The following IPCEF1 variants were observed in gnomAD, a reference collection of about 807,000 sequenced individuals.
IPCEF1 encodes interaction protein for cytohesin exchange factors 1, also known as interactor protein for cytohesin exchange factors 1.
IPCEF1 carries 31 observed loss-of-function variants against 50.9 expected under a neutral mutation model. The observed-to-expected ratio is 0.61, with a 90% CI of 0.46 to 0.82. The LOEUF is 0.82. IPCEF1 is among the 40% of genes least tolerant of loss of function. The probability of loss-of-function intolerance (pLI) is 0.00; values close to 1 mark genes in which losing one functional copy is unlikely to be tolerated. For missense variants in IPCEF1, 458 were observed against 514.0 expected, an observed-to-expected ratio of 0.89 and a Z score of 1.05; for synonymous variants, 181 against 192.0, an observed-to-expected ratio of 0.94 and a Z score of 0.47.
At chr6:154,208,475 G>A (rs1777689107) in intron 9 of IPCEF1, among the ~76,000 whole-genome samples, 1 of 152,168 alleles carries the variant, frequency 6.6e-6, no homozygotes, top group South Asian at 2.1e-4. Flanking sequence ...CACTTCTGAT[G>A]TAGCATATAT....
At chr6:154,183,201 G>A (rs763551596) in intron 10 of IPCEF1, among the ~76,000 whole-genome samples, 28 of 151,972 alleles carry the variant, frequency 1.8e-4, no homozygotes, top group South Asian at 4.2e-4. Context: ...GGATGGTCTC[G>A]ATCTCCTGAC....
Position 154,312,494 on chromosome 6 carries a change from G to C in IPCEF1, c.-61-22738C>G, listed in dbSNP as rs547156143. Among the ~76,000 whole-genome samples the C allele has an allele frequency of 1.5e-4, 23 of 151,988 alleles. No homozygotes were observed. The South Asian group carries it at 4.4e-3, about 29-fold the overall frequency. On this transcript the variant is annotated intron_variant, in intron 1 of 11. Coordinates refer to ENST00000367220, the MANE Select transcript of IPCEF1 (RefSeq NM_001130700.2). ...CCTGAGTAACTGGGACTACAGGCACGCACCACCACACCCGGCTAATTTTTT... is the reference window on the plus strand; with the variant it reads ...CCTGAGTAACTGGGACTACAGGCACCCACCACCACACCCGGCTAATTTTTT...
In IPCEF1 at chr6:154,159,669, A is replaced by T; in HGVS notation, c.*159T>A. The stretch of plus-strand genomic sequence containing the variant: ...CGACTGAAATGAGGAGCCCTGGTGT[A>T]TTCGGTGATTATCTTCATCTAACGT... On this transcript the variant is annotated 3_prime_UTR_variant, in exon 12 of 12. Transcript: ENST00000367220. The T allele has an allele frequency of 1.6e-6, 1 of 641,688 alleles. No individual in the cohort carries two copies. Among genetic ancestry groups the T allele is most frequent in the Non-Finnish European group, 2.7e-6 (1 of 366,256 alleles). 39.7% of individuals were successfully genotyped at this position (641,688 alleles called of 1,614,324 possible).
intron 2 of IPCEF1, among the ~76,000 whole-genome samples, chr6:154,274,207 C>T (rs976850715): frequency 6.6e-6 from 1 of 151,498 alleles, no homozygotes; most frequent in African/African-American, 2.4e-5. Context: ...TTCCTGCCTT[C>T]TCTCCACTTT....
At chr6:154,256,478 T>C (rs1433183571) in intron 3 of IPCEF1, among the ~76,000 whole-genome samples, 2 of 152,156 alleles carry the variant, frequency 1.3e-5, no homozygotes, top group Non-Finnish European at 2.9e-5. Flanking sequence ...TTATGTCTTC[T>C]CTTTCTCTGC....
chr6:154,190,388 T>C (rs1801763442), intron 10 of IPCEF1, among the ~76,000 whole-genome samples: 1 of 152,088 alleles, frequency 6.6e-6, no homozygotes, highest in Non-Finnish European at 1.5e-5. Context: ...GGCATATAAA[T>C]AGCAAAAAAG....
intron 10 of IPCEF1, among the ~76,000 whole-genome samples, chr6:154,188,737 ACT>A (rs1324494319): frequency 1.3e-5 from 2 of 152,240 alleles, no homozygotes; most frequent in African/African-American, 4.8e-5. Flanking sequence ...GAAAGATGAC[ACT>A]GAAGACTCAT....
intron 2 of IPCEF1, among the ~76,000 whole-genome samples, chr6:154,289,325 C>T (rs1463949550): frequency 1.3e-5 from 2 of 151,548 alleles, no homozygotes; most frequent in Non-Finnish European, 2.9e-5. Context: ...TCAGTAAGTA[C>T]TCCATTTCTA....
rs373086355 is a variant in IPCEF1 at position 154,223,250 on chromosome 6, C to A, written c.247-7G>T. 3.1e-6 allele frequency: 5 copies of A among 1,606,570 alleles called. No individual in the cohort carries two copies. In the African/African-American group the frequency reaches 6.7e-5, roughly 21 times the overall value. On this transcript the variant is annotated splice_polypyrimidine_tract_variant and splice_region_variant and intron_variant, in intron 5 of 11. Transcript: ENST00000367220. ...ATCCATCAGCTTTCTCTGCCTGAAA[C>A]AAATATATACCACAAATAGGAATGA...
intron 1 of IPCEF1, among the ~76,000 whole-genome samples, chr6:154,339,663 C>T (rs902282123): frequency 1.3e-5 from 2 of 152,036 alleles, no homozygotes; most frequent in African/African-American, 4.8e-5. Context: ...AATCGCAGCT[C>T]ACTGCAGTCT....
chr6:154,244,425 A>C (rs894256269), intron 5 of IPCEF1, among the ~76,000 whole-genome samples: 2 of 152,050 alleles, frequency 1.3e-5, no homozygotes, highest in Admixed American at 6.6e-5. Flanking sequence ...ATAGTTCCCT[A>C]GCCAGATAGC....
chr6:154,297,112 G>A (rs1176955011), intron 1 of IPCEF1, among the ~76,000 whole-genome samples: 6 of 151,148 alleles, frequency 4.0e-5, no homozygotes, highest in Admixed American at 2.6e-4. Flanking sequence ...ATCATGGCTC[G>A]CTACAGTTGC....
intron 1 of IPCEF1, among the ~76,000 whole-genome samples, chr6:154,347,715 C>T (rs556326090): frequency 6.6e-6 from 1 of 152,174 alleles, no homozygotes; most frequent in Non-Finnish European, 1.5e-5. Flanking sequence ...CTCAGTGGCT[C>T]CTACTGCCCA....
chr6:154,267,015 A>C (rs2128655842), intron 2 of IPCEF1, among the ~76,000 whole-genome samples: 1 of 151,964 alleles, frequency 6.6e-6, no homozygotes, highest in African/African-American at 2.4e-5. Context: ...AGTAATGGAA[A>C]CTCCTTTTTC....
At chr6:154,339,800 A>G (rs1783868891) in intron 1 of IPCEF1, among the ~76,000 whole-genome samples, 1 of 152,120 alleles carries the variant, frequency 6.6e-6, no homozygotes, top group South Asian at 2.1e-4. Flanking sequence ...CTCACTATGT[A>G]TAACCCAGGC....
chr6:154,235,509 C>T (rs915958095), intron 5 of IPCEF1, among the ~76,000 whole-genome samples: 3 of 122,780 alleles, frequency 2.4e-5, no homozygotes, highest in Non-Finnish European at 3.2e-5. Context: ...CCAGCCTGGG[C>T]GACAAGAGCA....
At chr6:154,273,556 G>A (rs1295538862) in intron 2 of IPCEF1, among the ~76,000 whole-genome samples, 1 of 152,058 alleles carries the variant, frequency 6.6e-6, no homozygotes, top group Non-Finnish European at 1.5e-5. Flanking sequence ...GGCAAAGCAG[G>A]AGAGAAGGAA....
chr6:154,354,427 A>ACCTCCACCATCT (rs1784173635), intron 1 of IPCEF1, among the ~76,000 whole-genome samples: 1 of 144,942 alleles, frequency 6.9e-6, no homozygotes, highest in South Asian at 2.3e-4. Context: ...CTCCACCACC[A>ACCTCCACCATCT]CCTCCACCAT....
chr6:154,215,802 A>G (rs985439525), intron 7 of IPCEF1, among the ~76,000 whole-genome samples: 12 of 152,160 alleles, frequency 7.9e-5, no homozygotes, highest in African/African-American at 2.9e-4. Context: ...TCAAGTCTCA[A>G]TAGGATAACA....
Sources: gnomAD v4.1 joint callset for allele counts (sites outside exome capture counted in the v4.1 genomes callset) on GRCh38, gnomAD v4.1.1 for gene constraint, MANE v1.5 for transcripts, NCBI Gene and HGNC (gene_info 2026-07-23, HGNC 2026-07-21) for gene names.